The following GRM7 variants were observed in gnomAD, a reference collection of about 807,000 sequenced individuals.
The protein encoded by GRM7 is metabotropic glutamate receptor 7.
A neutral mutation model predicts 84.5 loss-of-function variants in GRM7; 35 were observed. The observed-to-expected ratio is 0.41, with a 90% CI of 0.32 to 0.55. The LOEUF is 0.55. Ranked by LOEUF, GRM7 falls within the 20% of genes least tolerant of loss-of-function variation. The pLI, the probability that GRM7 is intolerant of heterozygous loss-of-function variation, is 0.19. For synonymous variants in GRM7, 487 were observed against 455.1 expected (o/e 1.07, Z -0.89); for missense variants, 1,003 against 1,194.6 (o/e 0.84, Z 2.36).
chr3:7,221,134 A>G (rs577023050), intron 2 of GRM7, among the ~76,000 whole-genome samples: 17 of 152,114 alleles, frequency 1.1e-4, no homozygotes, highest in Admixed American at 9.2e-4. Flanking sequence ...ACAAACAAAC[A>G]AAAAAACACA....
chr3:7,197,848 CA>C (rs1158757424), intron 2 of GRM7, among the ~76,000 whole-genome samples: 1 of 151,400 alleles, frequency 6.6e-6, no homozygotes, highest in African/African-American at 2.4e-5. Flanking sequence ...GCAAGAAAAA[CA>C]AAAAAACAAA....
intron 2 of GRM7, among the ~76,000 whole-genome samples, chr3:7,185,102 A>G (rs1451153188): frequency 6.6e-6 from 1 of 152,200 alleles, no homozygotes; most frequent in East Asian, 1.9e-4. Context: ...TAATATATTT[A>G]GTAAGTGCAA....
At chr3:7,133,676 T>C (rs1228814741) in intron 1 of GRM7, among the ~76,000 whole-genome samples, 1 of 152,240 alleles carries the variant, frequency 6.6e-6, no homozygotes, top group East Asian at 1.9e-4. Context: ...TAGGATCATA[T>C]TTAATCAATA....
At chr3:7,437,928 A>G (rs1259582935) in intron 5 of GRM7, among the ~76,000 whole-genome samples, 1 of 152,064 alleles carries the variant, frequency 6.6e-6, no homozygotes, top group Non-Finnish European at 1.5e-5. Flanking sequence ...GACTTTTTCA[A>G]ATAGAAGAAA....
chr3:6,887,821 G>C (rs1201163358), intron 1 of GRM7, among the ~76,000 whole-genome samples: 2 of 152,192 alleles, frequency 1.3e-5, no homozygotes, highest in Admixed American at 1.3e-4. Flanking sequence ...CTTCCACAAT[G>C]GTTGAACTAA....
At chr3:7,096,070 T>C (rs979947382) in intron 1 of GRM7, among the ~76,000 whole-genome samples, 1 of 152,180 alleles carries the variant, frequency 6.6e-6, no homozygotes, top group African/African-American at 2.4e-5. Flanking sequence ...TTTATGTATA[T>C]ATTTCAAGTA....
intron 2 of GRM7, among the ~76,000 whole-genome samples, chr3:7,264,788 A>G (rs1698572378): frequency 0.019 from 1 of 54 alleles, no homozygotes; most frequent in Non-Finnish European, 0.036. Flanking sequence ...GGTATCTTCC[A>G]GTACTGCGGT....
intron 2 of GRM7, among the ~76,000 whole-genome samples, chr3:7,260,220 G>A (rs1698369704): frequency 6.6e-6 from 1 of 151,380 alleles, no homozygotes; most frequent in Non-Finnish European, 1.5e-5. Flanking sequence ...TGCAAATATT[G>A]TCTCCCATTC....
intron 4 of GRM7, among the ~76,000 whole-genome samples, chr3:7,334,968 G>A (rs1701347723): frequency 6.6e-6 from 1 of 152,008 alleles, no homozygotes. Flanking sequence ...AATTGTGGGG[G>A]ACTTCAGTAC....
At chr3:6,924,177 G>A (rs925955229) in intron 1 of GRM7, among the ~76,000 whole-genome samples, 1 of 152,136 alleles carries the variant, frequency 6.6e-6, no homozygotes, top group African/African-American at 2.4e-5. Flanking sequence ...CTCTCGTGTT[G>A]GAGAAAAATA....
In GRM7 at chr3:7,467,130, C is replaced by T. The variant is rs563667309; in HGVS notation, c.1515+5408C>T. ...TTTGAGACGGAGTCGCTCTGTCGCC[C>T]GGGCTGGAGTGCAGTGGCGCGATCT... On this transcript the variant is annotated intron_variant, in intron 7 of 9. Coordinates refer to ENST00000357716, the MANE Select transcript of GRM7 (RefSeq NM_000844.4). 7.2e-5 allele frequency among the ~76,000 whole-genome samples: 11 copies of T among 151,906 alleles called. No homozygotes were observed. The East Asian group carries it at 1.8e-3, about 24-fold the overall frequency.
chr3:7,562,331 G>A (rs760313293), intron 7 of GRM7, among the ~76,000 whole-genome samples: 6 of 150,730 alleles, frequency 4.0e-5, no homozygotes, highest in Admixed American at 6.6e-5. Context: ...TGAAGTAATA[G>A]TTCACTTTCC....
chr3:6,930,617 C>T (rs1344528198), intron 1 of GRM7, among the ~76,000 whole-genome samples: 5 of 151,764 alleles, frequency 3.3e-5, no homozygotes, highest in Non-Finnish European at 7.4e-5. Context: ...ATATGGTTCA[C>T]CCAATGCAGG....
At chr3:7,713,795 CTT>C (rs60007117) in intron 9 of GRM7, among the ~76,000 whole-genome samples, 3,592 of 64,916 alleles carry the variant, frequency 0.055, 85 homozygotes, top group Middle Eastern at 0.1. Flanking sequence ...CGGATGCTTT[CTT>C]TTTTTTTTTT....
chr3:7,491,399 A>T (rs1699510724), intron 7 of GRM7, among the ~76,000 whole-genome samples: 1 of 129,814 alleles, frequency 7.7e-6, no homozygotes, highest in Non-Finnish European at 1.6e-5. Flanking sequence ...TATTAAGGAA[A>T]ATGATTTAGA....
chr3:7,494,611 AC>A (rs1043607274), intron 7 of GRM7, among the ~76,000 whole-genome samples: 1 of 152,152 alleles, frequency 6.6e-6, no homozygotes, highest in Non-Finnish European at 1.5e-5. Flanking sequence ...TTTTGTTATT[AC>A]ACAGGTGACT....
chr3:6,912,915 G>A (rs1031749652), intron 1 of GRM7, among the ~76,000 whole-genome samples: 2 of 152,112 alleles, frequency 1.3e-5, no homozygotes, highest in Non-Finnish European at 2.9e-5. Context: ...TAGCACTTAT[G>A]CACAATTGTA....
At chr3:7,073,514 C>T (rs774853412) in intron 1 of GRM7, among the ~76,000 whole-genome samples, 3 of 152,026 alleles carry the variant, frequency 2.0e-5, no homozygotes, top group East Asian at 3.9e-4. Flanking sequence ...GGAAGGTACT[C>T]GTTCCCTGAT....
At chr3:7,008,262 C>T (rs1695250704) in intron 1 of GRM7, among the ~76,000 whole-genome samples, 1 of 152,166 alleles carries the variant, frequency 6.6e-6, no homozygotes, top group South Asian at 2.1e-4. Context: ...ATTTATGCAG[C>T]ATCCTGGTGC....
Sources: gnomAD v4.1 joint callset for allele counts (sites outside exome capture counted in the v4.1 genomes callset) on GRCh38, gnomAD v4.1.1 for gene constraint, MANE v1.5 for transcripts, NCBI Gene and HGNC (gene_info 2026-07-23, HGNC 2026-07-21) for gene names.